The following CLVS2 variants were observed in gnomAD, a reference collection of about 807,000 sequenced individuals.
CLVS2 encodes clavesin-2.
In CLVS2, 19 loss-of-function variants were observed where a neutral mutation model predicts 29.0. The observed-to-expected ratio is 0.66, with a 90% CI of 0.46 to 0.96. CLVS2 has a LOEUF of 0.96. Among genes scored for constraint, CLVS2 ranks in the 40% least tolerant of loss-of-function variants. The probability of loss-of-function intolerance (pLI) is 0.00; values close to 1 mark genes in which losing one functional copy is unlikely to be tolerated. For synonymous variants in CLVS2, 161 were observed against 151.3 expected, an observed-to-expected ratio of 1.06 and a Z score of -0.47; for missense variants, 294 against 404.1, an observed-to-expected ratio of 0.73 and a Z score of 2.34.
chr6:123,055,344 C>A (rs956329391), intron 4 of CLVS2, among the ~76,000 whole-genome samples: 4 of 152,136 alleles, frequency 2.6e-5, no homozygotes, highest in African/African-American at 9.7e-5. Context: ...AAAGAGAAAG[C>A]CTTGCAAGTG....
intron 2 of CLVS2, among the ~76,000 whole-genome samples, chr6:122,998,784 G>C (rs1189002975): frequency 6.6e-6 from 1 of 152,152 alleles, no homozygotes; most frequent in Non-Finnish European, 1.5e-5. Flanking sequence ...CACTGAAAAT[G>C]TACACTGACT....
intron 3 of CLVS2, among the ~76,000 whole-genome samples, chr6:123,021,055 G>GA (rs1774913209): frequency 1.3e-5 from 2 of 150,442 alleles, no homozygotes; most frequent in Non-Finnish European, 3.0e-5. Context: ...AGAGTATGGG[G>GA]GGGGTAAAAT....
At chr6:123,004,233 GT>G (rs1286062757) in intron 2 of CLVS2, among the ~76,000 whole-genome samples, 3 of 152,040 alleles carry the variant, frequency 2.0e-5, no homozygotes, top group Non-Finnish European at 1.5e-5. Context: ...GCACAATTCT[GT>G]TTTATTTTGT....
intron 5 of CLVS2, among the ~76,000 whole-genome samples, chr6:123,058,921 G>A (rs1406389374): frequency 6.6e-6 from 1 of 152,110 alleles, no homozygotes; most frequent in Non-Finnish European, 1.5e-5. Context: ...GCCTCTCAAA[G>A]CACTGGGATT....
At chr6:123,038,984 T>C (rs1341537092) in intron 3 of CLVS2, among the ~76,000 whole-genome samples, 1 of 152,188 alleles carries the variant, frequency 6.6e-6, no homozygotes, top group Non-Finnish European at 1.5e-5. Flanking sequence ...TACCAGTGTA[T>C]GGCCCCTCCT....
chr6:123,063,601 CAA>C (rs1554203791), intron 5 of CLVS2, 71 bp from the exon 6 acceptor site: 4 of 822,006 alleles, frequency 4.9e-6, no homozygotes, highest in Non-Finnish European at 8.1e-6. Context: ...GAAGTAATGA[CAA>C]AAAGAGGAGA....
chr6:123,013,026 C>G (rs1198925560), intron 3 of CLVS2, among the ~76,000 whole-genome samples: 1 of 151,934 alleles, frequency 6.6e-6, no homozygotes, highest in Non-Finnish European at 1.5e-5. Flanking sequence ...GTGTCTGTGT[C>G]TACTCTATGT....
At chr6:123,032,229 T>G (rs554172412) in intron 3 of CLVS2, among the ~76,000 whole-genome samples, 3 of 152,068 alleles carry the variant, frequency 2.0e-5, no homozygotes, top group Non-Finnish European at 2.9e-5. Context: ...CTTTTCCTAT[T>G]TGAAAATACT....
At chr6:123,011,750 T>C (rs1350900551) in intron 3 of CLVS2, among the ~76,000 whole-genome samples, 1 of 151,990 alleles carries the variant, frequency 6.6e-6, no homozygotes, top group Non-Finnish European at 1.5e-5. Flanking sequence ...ATGGGAAACA[T>C]ATTATTATTT....
At chr6:123,059,264 G>A (rs923467140) in intron 5 of CLVS2, among the ~76,000 whole-genome samples, 1 of 151,944 alleles carries the variant, frequency 6.6e-6, no homozygotes, top group African/African-American at 2.4e-5. Flanking sequence ...CTTCATTCTG[G>A]TCACTCCCTG....
chr6:123,038,670 C>G (rs958650855), intron 3 of CLVS2, among the ~76,000 whole-genome samples: 2 of 151,526 alleles, frequency 1.3e-5, no homozygotes, highest in East Asian at 3.9e-4. Flanking sequence ...TTATTTTTTC[C>G]TAATTTATTA....
At chr6:123,017,493 T>C (rs1440694686) in intron 3 of CLVS2, among the ~76,000 whole-genome samples, 1 of 152,040 alleles carries the variant, frequency 6.6e-6, no homozygotes, top group East Asian at 1.9e-4. Context: ...GGGTAGTGTG[T>C]AAAAAAAGTG....
Position 123,008,009 on chromosome 6 carries a change from A to C in CLVS2, c.390-2976A>C, listed in dbSNP as rs555380808. Among the ~76,000 whole-genome samples, 3 of 152,218 alleles carry C rather than the reference A, an allele frequency of 2.0e-5. No homozygotes were observed. In the East Asian group the frequency reaches 5.8e-4, roughly 29 times the overall value. On this transcript the variant is annotated intron_variant, in intron 2 of 5. Transcript: ENST00000275162. ...AAGAGATAAAATTCATAGATGCTAC[A>C]TTTCTTTGGAAGATATTTTACAGAT...
intron 5 of CLVS2, among the ~76,000 whole-genome samples, chr6:123,060,991 T>C (rs1376931157): frequency 2.6e-5 from 4 of 152,298 alleles, no homozygotes; most frequent in South Asian, 4.1e-4. Context: ...GTGAAAACAA[T>C]AGAAGCTGCA....
chr6:123,051,131 A>G (rs566812100), intron 4 of CLVS2, among the ~76,000 whole-genome samples: 2 of 147,706 alleles, frequency 1.4e-5, no homozygotes, highest in East Asian at 3.9e-4. Context: ...AATATTACTC[A>G]CACACCTTAT....
intron 2 of CLVS2, among the ~76,000 whole-genome samples, chr6:123,001,037 T>C (rs1256669701): frequency 6.6e-6 from 1 of 152,244 alleles, no homozygotes; most frequent in Non-Finnish European, 1.5e-5. Flanking sequence ...AAGACTGTCA[T>C]GTTATTATAT....
At chr6:123,032,826 C>T (rs895769238) in intron 3 of CLVS2, among the ~76,000 whole-genome samples, 6 of 152,042 alleles carry the variant, frequency 3.9e-5, no homozygotes, top group South Asian at 2.1e-4. Context: ...TTGATTATAT[C>T]GGCCTTTAAA....
chr6:123,062,380 G>T (rs1772791443), intron 5 of CLVS2, among the ~76,000 whole-genome samples: 2 of 151,700 alleles, frequency 1.3e-5, no homozygotes, highest in South Asian at 2.1e-4. Flanking sequence ...TCTCCTTATT[G>T]TCCTTTTCCT....
intron 3 of CLVS2, 59 bp from the exon 4 acceptor site, chr6:123,048,563 T>C (rs1582661593): frequency 1.8e-6 from 2 of 1,116,922 alleles, no homozygotes; most frequent in South Asian, 2.5e-5. Context: ...TAACCTTTCC[T>C]AAACCTTCTC....
Sources: allele counts gnomAD v4.1 joint callset (sites outside exome capture counted in the v4.1 genomes callset), GRCh38; gene constraint gnomAD v4.1.1; transcripts MANE v1.5; gene names NCBI Gene and HGNC (gene_info 2026-07-23, HGNC 2026-07-21).